Variants in PARD3 observed in about 807,000 individuals in gnomAD.
The protein encoded by PARD3 is par-3 family cell polarity regulator.
Under a neutral mutation model 155.4 loss-of-function variants are expected in PARD3, and 75 were observed. The ratio of observed to expected loss-of-function variants is 0.48; its 90% CI spans 0.40 to 0.58. The LOEUF (loss-of-function observed/expected upper bound fraction) is 0.58, where lower values mean the gene tolerates loss of function less well. Among genes scored for constraint, PARD3 ranks in the 20% least tolerant of loss-of-function variants. The pLI, the probability that PARD3 is intolerant of heterozygous loss-of-function variation, is 0.00. For synonymous variants in PARD3, 576 were observed against 610.5 expected (o/e 0.94, Z 0.83); for missense variants, 1,642 against 1,721.7 (o/e 0.95, Z 0.82).
rs75570844 is a variant in PARD3, at chr10:34,464,696, T to C, written c.582+5389A>G. On this transcript the variant is annotated intron_variant, in intron 4 of 24. Coordinates refer to ENST00000374788, the MANE Select transcript of PARD3 (RefSeq NM_001184785.2). ...AAGAACTCAACACATAATATAACAT[T>C]ATGTAAACTATCCATATTTATGAGG... Among the ~76,000 whole-genome samples, 189 of 152,304 alleles carry C rather than the reference T, an allele frequency of 1.2e-3. 1 individual carries two copies. The highest frequency in any genetic ancestry group is 4.2e-3 in the African/African-American group (174 of 41,568).
At chr10:34,137,310 A>G (rs1244767770) in intron 22 of PARD3, among the ~76,000 whole-genome samples, 3 of 152,104 alleles carry the variant, frequency 2.0e-5, no homozygotes, top group Non-Finnish European at 4.4e-5. Context: ...AGTCGCAAGG[A>G]GCCAAGAATC....
chr10:34,389,470 ATT>A (rs1192008235), intron 7 of PARD3, among the ~76,000 whole-genome samples: 1 of 152,236 alleles, frequency 6.6e-6, no homozygotes, highest in Non-Finnish European at 1.5e-5. Context: ...CTAAGTATAA[ATT>A]ACAACCAATG....
Position 34,784,274 on chromosome 10 carries a change from T to C in PARD3, c.120+30602A>G, listed in dbSNP as rs112457076. ...AGTATTCCAAGTCATAAAATATAAATAGCAATATATAAAAGAGTAAAGAAA... is the reference window on the plus strand; with the variant it reads ...AGTATTCCAAGTCATAAAATATAAACAGCAATATATAAAAGAGTAAAGAAA... On this transcript the variant is annotated intron_variant, in intron 1 of 24. Transcript: ENST00000374788. 7.8e-3 allele frequency among the ~76,000 whole-genome samples: 1,178 copies of C among 151,796 alleles called. 15 individuals are homozygous for C. The highest frequency in any genetic ancestry group is 0.027 in the African/African-American group (1,097 of 41,382).
chr10:34,751,365 A>G (rs1836010480), intron 1 of PARD3, among the ~76,000 whole-genome samples: 1 of 152,244 alleles, frequency 6.6e-6, no homozygotes, highest in South Asian at 2.1e-4. Flanking sequence ...ACTCCATCTC[A>G]GATATTAATC....
intron 22 of PARD3, among the ~76,000 whole-genome samples, chr10:34,237,936 C>T (rs550219471): frequency 6.6e-6 from 1 of 152,152 alleles, no homozygotes; most frequent in East Asian, 1.9e-4. Context: ...TGACATATTT[C>T]AACCCACAAA....
At chr10:34,543,444 G>GT (rs1564827366) in intron 2 of PARD3, among the ~76,000 whole-genome samples, 1 of 152,202 alleles carries the variant, frequency 6.6e-6, no homozygotes, top group East Asian at 1.9e-4. Context: ...TCTACTTGCT[G>GT]TTCACCATGC....
intron 5 of PARD3, among the ~76,000 whole-genome samples, chr10:34,428,296 C>T (rs2075727922): frequency 6.6e-6 from 1 of 152,060 alleles, no homozygotes; most frequent in Non-Finnish European, 1.5e-5. Flanking sequence ...TGCAAAGAGC[C>T]CAACATAACT....
chr10:34,336,103 T>C (rs1836153596), intron 18 of PARD3, 96 bp downstream of exon 18: 1 of 837,414 alleles, frequency 1.2e-6, no homozygotes, highest in Non-Finnish European at 2.0e-6. Context: ...GACTGGAATA[T>C]GTATGTTTAC....
intron 15 of PARD3, chr10:34,344,105 G>C (rs781693350): frequency 2.7e-5 from 26 of 968,210 alleles, no homozygotes; most frequent in Non-Finnish European, 3.2e-5. Flanking sequence ...GGATACAACA[G>C]ATTTCAGTTT....
chr10:34,298,436 C>T (rs1336078287), intron 20 of PARD3, among the ~76,000 whole-genome samples: 1 of 152,160 alleles, frequency 6.6e-6, no homozygotes, highest in East Asian at 1.9e-4. Context: ...GAAATCCTGA[C>T]ACACACTACA....
At chr10:34,548,285 T>C (rs893447386) in intron 2 of PARD3, among the ~76,000 whole-genome samples, 1 of 151,994 alleles carries the variant, frequency 6.6e-6, no homozygotes, top group Non-Finnish European at 1.5e-5. Context: ...GGCCAGGAGT[T>C]AGAGACTAGC....
At chr10:34,534,373 G>A (rs1434215469) in intron 2 of PARD3, among the ~76,000 whole-genome samples, 1 of 152,112 alleles carries the variant, frequency 6.6e-6, no homozygotes, top group African/African-American at 2.4e-5. Context: ...TCCAAAGGAC[G>A]GGCGTGCCTC....
intron 1 of PARD3, among the ~76,000 whole-genome samples, chr10:34,736,516 CA>C (rs1453952358): frequency 1.3e-5 from 2 of 151,518 alleles, no homozygotes; most frequent in African/African-American, 4.9e-5. Flanking sequence ...CATCAGCAGA[CA>C]AAGCTATAAA....
At chr10:34,129,700 C>CTTTTTTT (rs1209547388) in intron 23 of PARD3, among the ~76,000 whole-genome samples, 4 of 82,984 alleles carry the variant, frequency 4.8e-5, no homozygotes, top group African/African-American at 1.4e-4. Flanking sequence ...TGTCAAGCCT[C>CTTTTTTT]TTTTTTTTTT....
chr10:34,160,664 G>T (rs1949230994), intron 22 of PARD3, among the ~76,000 whole-genome samples: 2 of 152,014 alleles, frequency 1.3e-5, no homozygotes, highest in Non-Finnish European at 2.9e-5. Flanking sequence ...TGTTGTTGGT[G>T]GTGCTCAAAG....
chr10:34,656,222 G>A (rs1043134183), intron 2 of PARD3, among the ~76,000 whole-genome samples: 47 of 151,942 alleles, frequency 3.1e-4, no homozygotes, highest in African/African-American at 8.0e-4. Flanking sequence ...CTCCTATATT[G>A]TATTCTACTT....
chr10:34,652,792 A>G (rs1040812555), intron 2 of PARD3, among the ~76,000 whole-genome samples: 1 of 152,248 alleles, frequency 6.6e-6, no homozygotes, highest in Non-Finnish European at 1.5e-5. Flanking sequence ...GGCAGACTGC[A>G]ACCATAACTA....
At chr10:34,410,737 T>G (rs1408770696) in intron 5 of PARD3, among the ~76,000 whole-genome samples, 2 of 152,228 alleles carry the variant, frequency 1.3e-5, no homozygotes, top group Non-Finnish European at 2.9e-5. Flanking sequence ...GAGGCACTGA[T>G]TGCTTCTGTT....
chr10:34,516,955 AGAG>A, intron 3 of PARD3, 21 bp downstream of exon 3: 1 of 1,602,256 alleles, frequency 6.2e-7, no homozygotes, highest in Non-Finnish European at 8.5e-7. Flanking sequence ...ATGAAATGGA[AGAG>A]AAGAAAGAGC....
Sources: allele counts gnomAD v4.1 joint callset (sites outside exome capture counted in the v4.1 genomes callset), GRCh38; gene constraint gnomAD v4.1.1; transcripts MANE v1.5; gene names NCBI Gene and HGNC (gene_info 2026-07-23, HGNC 2026-07-21).